PDE10A: variants seen among roughly 807,000 people sequenced by gnomAD.
PDE10A encodes phosphodiesterase 10A.
A neutral mutation model predicts 97.7 loss-of-function variants in PDE10A; 39 were observed. The ratio of observed to expected loss-of-function variants is 0.40; its 90% CI spans 0.31 to 0.52. The LOEUF (loss-of-function observed/expected upper bound fraction) is 0.52. Ranked by LOEUF, PDE10A falls within the 20% of genes least tolerant of loss-of-function variation. The probability of loss-of-function intolerance (pLI) is 0.56; values close to 1 mark genes in which losing one functional copy is unlikely to be tolerated. For synonymous variants in PDE10A, 371 were observed against 376.8 expected, an observed-to-expected ratio of 0.98 and a Z score of 0.18; for missense variants, 731 against 1,047.8, an observed-to-expected ratio of 0.70 and a Z score of 4.17.
Position 165,630,712 on chromosome 6 carries a change from A to G in PDE10A, c.865+31235T>C, listed in dbSNP as rs149055595. On this transcript the variant is annotated intron_variant, in intron 1 of 21. Transcript: ENST00000539869. ...GCACTGTAAATTCTTGGAGATACATATATTTGGCATTCTGCTGTTTAGATA... is the reference window on the plus strand; with the variant it reads ...GCACTGTAAATTCTTGGAGATACATGTATTTGGCATTCTGCTGTTTAGATA... Among the ~76,000 whole-genome samples, 27 of 152,282 alleles carry G rather than the reference A, an allele frequency of 1.8e-4. No homozygotes were observed. The East Asian group carries it at 5.0e-3, about 28-fold the overall frequency.
chr6:165,752,680 C>T (rs1040487342), intron 1 of PDE10A, among the ~76,000 whole-genome samples: 4 of 152,092 alleles, frequency 2.6e-5, no homozygotes, highest in East Asian at 3.8e-4. Context: ...AGGTATTCAT[C>T]ATTAGGCCTC....
intron 1 of PDE10A, among the ~76,000 whole-genome samples, chr6:165,771,678 A>C (rs1778015652): frequency 6.8e-6 from 1 of 146,768 alleles, no homozygotes; most frequent in Non-Finnish European, 1.5e-5. Context: ...AAAAAAAAGC[A>C]TGCAAAACAA....
intron 1 of PDE10A, among the ~76,000 whole-genome samples, chr6:165,624,916 G>C (rs1788310167): frequency 6.6e-6 from 1 of 152,234 alleles, no homozygotes; most frequent in Non-Finnish European, 1.5e-5. Context: ...CCCGTTGGTA[G>C]GGATACACTC....
chr6:165,906,825 C>T (rs1302600584), intron 1 of PDE10A, among the ~76,000 whole-genome samples: 3 of 152,134 alleles, frequency 2.0e-5, no homozygotes, highest in African/African-American at 7.2e-5. Context: ...CCCTGGGTTG[C>T]AAAAAGTAAA....
intron 2 of PDE10A, among the ~76,000 whole-genome samples, chr6:165,526,193 C>G (rs1441088882): frequency 6.6e-6 from 1 of 152,194 alleles, no homozygotes; most frequent in African/African-American, 2.4e-5. Context: ...CTAGTGGACA[C>G]TGGCTCTGAG....
chr6:165,894,882 T>G (rs369551314), intron 1 of PDE10A, among the ~76,000 whole-genome samples: 41 of 152,348 alleles, frequency 2.7e-4, no homozygotes, highest in South Asian at 1.0e-3. Context: ...GCTCTCAACC[T>G]GGGGTAAGTA....
At chr6:165,415,898 A>G (rs996282252) in intron 12 of PDE10A, among the ~76,000 whole-genome samples, 3 of 152,106 alleles carry the variant, frequency 2.0e-5, no homozygotes, top group African/African-American at 7.2e-5. Context: ...ACTATAATGG[A>G]AAAAAAATCC....
chr6:165,933,593 A>G (rs1012047932), intron 1 of PDE10A, among the ~76,000 whole-genome samples: 3 of 152,148 alleles, frequency 2.0e-5, no homozygotes, highest in African/African-American at 7.2e-5. Context: ...CTGAAAATTC[A>G]TTTTCAAATA....
At chr6:165,789,352 G>T (rs1434240222) in intron 1 of PDE10A, among the ~76,000 whole-genome samples, 2 of 152,166 alleles carry the variant, frequency 1.3e-5, no homozygotes, top group Non-Finnish European at 2.9e-5. Flanking sequence ...GCCAAACTTA[G>T]CAACTATTTT....
chr6:165,468,175 T>C (rs377536863), intron 3 of PDE10A, among the ~76,000 whole-genome samples: 92 of 152,206 alleles, frequency 6.0e-4, no homozygotes, highest in African/African-American at 2.0e-3. Context: ...GCCTCCCAGG[T>C]TCAAGCGATT....
chr6:165,686,026 T>G (rs1791105323), intron 1 of PDE10A, among the ~76,000 whole-genome samples: 2 of 152,064 alleles, frequency 1.3e-5, no homozygotes, highest in African/African-American at 4.8e-5. Flanking sequence ...ATGGCCACTC[T>G]TCAGTGTGAA....
At chr6:165,743,033 C>T (rs1792764987) in intron 1 of PDE10A, among the ~76,000 whole-genome samples, 1 of 152,160 alleles carries the variant, frequency 6.6e-6, no homozygotes, top group African/African-American at 2.4e-5. Context: ...TGGCTCTTCC[C>T]AGGCAAGAGT....
rs1225724553 is a variant in PDE10A at position 165,937,463 on chromosome 6, A to G, written c.-615+50066T>C. On this transcript the variant is annotated intron_variant, in intron 1 of 19. Transcript: ENST00000366882. ...GGAATTCAGTCTCATATTGCATCCA[A>G]AATAAACTTACATATTTAAAAAAAG... 1.3e-5 allele frequency among the ~76,000 whole-genome samples: 2 copies of G among 152,206 alleles called. 1 individual carries two copies. Among genetic ancestry groups the G allele is most frequent in the Admixed American group, 1.3e-4 (2 of 15,282 alleles).
intron 3 of PDE10A, among the ~76,000 whole-genome samples, chr6:165,473,203 AAAT>A (rs1231810929): frequency 1.3e-5 from 2 of 152,198 alleles, no homozygotes; most frequent in Non-Finnish European, 2.9e-5. Context: ...ACAGAAATCA[AAAT>A]AATATGTGCA....
At chr6:165,821,614 G>A (rs945641691) in intron 1 of PDE10A, among the ~76,000 whole-genome samples, 2 of 152,114 alleles carry the variant, frequency 1.3e-5, no homozygotes, top group Admixed American at 1.3e-4. Flanking sequence ...TGCCTCCTGG[G>A]TTCAAGCAAT....
At chr6:165,916,775 C>T (rs759032654) in intron 1 of PDE10A, among the ~76,000 whole-genome samples, 17 of 152,192 alleles carry the variant, frequency 1.1e-4, no homozygotes, top group Non-Finnish European at 2.1e-4. Context: ...CAACAATTCT[C>T]TCTTTTAGGT....
intron 1 of PDE10A, among the ~76,000 whole-genome samples, chr6:165,632,038 T>C (rs1788653631): frequency 6.6e-6 from 1 of 151,244 alleles, no homozygotes; most frequent in Admixed American, 6.6e-5. Flanking sequence ...CTGCCTTTAC[T>C]AAATACAAAA....
rs1274943145 is a variant in PDE10A at position 165,767,190 on chromosome 6, G to GA, written c.-615+220338dup. ...CTAAAAGACTGGGTCAGGTGGCACC[G>GA]AAAAAAAGTGCTTATTGTTAGACTA... On this transcript the variant is annotated intron_variant, in intron 1 of 19. Transcript: ENST00000366882. Among the ~76,000 whole-genome samples, 16 of 152,068 alleles carry GA rather than the reference G, an allele frequency of 1.1e-4. No individual in the cohort carries two copies. The East Asian group carries it at 3.1e-3, about 29-fold the overall frequency.
intron 2 of PDE10A, among the ~76,000 whole-genome samples, chr6:165,489,768 G>A (rs1349980296): frequency 3.9e-5 from 6 of 152,042 alleles, no homozygotes; most frequent in Non-Finnish European, 7.4e-5. Flanking sequence ...CACAACTTCC[G>A]GAAATGAAGG....
Sources: allele counts gnomAD v4.1 joint callset (sites outside exome capture counted in the v4.1 genomes callset), GRCh38; gene constraint gnomAD v4.1.1; transcripts MANE v1.5; gene names NCBI Gene and HGNC (gene_info 2026-07-23, HGNC 2026-07-21).